Variants in PCDHGB1 observed in about 807,000 individuals in gnomAD.
The protein encoded by PCDHGB1 is protocadherin gamma subfamily B, 1.
PCDHGB1 carries 34 observed loss-of-function variants against 56.6 expected under a neutral mutation model. The ratio of observed to expected loss-of-function variants is 0.60; its 90% CI spans 0.46 to 0.80. The LOEUF (loss-of-function observed/expected upper bound fraction) is 0.80, where lower values mean the gene tolerates loss of function less well. Among genes scored for constraint, PCDHGB1 ranks in the 30% least tolerant of loss-of-function variants. The pLI, the probability that PCDHGB1 is intolerant of heterozygous loss-of-function variation, is 0.00. For synonymous variants in PCDHGB1, 561 were observed against 505.9 expected (o/e 1.11, Z -1.46); for missense variants, 1,278 against 1,204.6 (o/e 1.06, Z -0.90).
intron 1 of PCDHGB1, chr5:141,385,334 C>A: frequency 6.3e-7 from 1 of 1,581,530 alleles, no homozygotes; most frequent in Non-Finnish European, 8.6e-7. Context: ...GTGAGCCCAG[C>A]CCTTCCTTTA....
intron 1 of PCDHGB1, chr5:141,374,743 T>A: frequency 6.2e-7 from 1 of 1,611,970 alleles, no homozygotes; most frequent in Non-Finnish European, 8.5e-7. Context: ...GCGGCGACCC[T>A]GTCCGCTCAA....
intron 1 of PCDHGB1, chr5:141,419,944 C>T (rs1375807568): frequency 6.2e-7 from 1 of 1,614,066 alleles, no homozygotes; most frequent in South Asian, 1.1e-5. Flanking sequence ...TGGTGGTGGC[C>T]TTGGCCTTGA....
intron 1 of PCDHGB1, chr5:141,366,706 G>A (rs202189432): frequency 6.2e-7 from 1 of 1,614,124 alleles, no homozygotes; most frequent in African/African-American, 1.3e-5. Context: ...AGCCTCTTCT[G>A]ATGTCTGATA....
intron 1 of PCDHGB1, among the ~76,000 whole-genome samples, chr5:141,460,951 G>GTATA (rs200454978): frequency 7.9e-5 from 11 of 139,774 alleles, no homozygotes; most frequent in Middle Eastern, 3.7e-3. Context: ...TATGTATTAT[G>GTATA]TATATATATA....
At chr5:141,509,163 C>T (rs561329093) in intron 3 of PCDHGB1, among the ~76,000 whole-genome samples, 1 of 152,204 alleles carries the variant, frequency 6.6e-6, no homozygotes, top group East Asian at 1.9e-4. Context: ...CTCCCGTGTG[C>T]CCTCCTCCTC....
At position 141,490,874 on chromosome 5, in the gene PCDHGB1, A is replaced by T. The variant is rs368927472; in HGVS notation, c.2410-3933A>T. 2 of 1,613,948 alleles carry T rather than the reference A, an allele frequency of 1.2e-6. No homozygotes were observed. Among genetic ancestry groups the T allele is most frequent in the Non-Finnish European group, 1.7e-6 (2 of 1,179,952 alleles). On this transcript the variant is annotated intron_variant, in intron 1 of 3. Transcript: ENST00000523390. The surrounding 1 kb of genome is among the most constrained non-coding windows in gnomAD (Gnocchi z 5.4). The stretch of plus-strand genomic sequence containing the variant: ...CGAGACTCCGGCTCTCCCCCATTGC[A>T]TGCCAACACATCTCTGCATGTGTTT...
Position 141,453,588 on chromosome 5 carries a change from CTG to C in PCDHGB1, c.2410-41215_2410-41214del, listed in dbSNP as rs572244169. ...TTCATTAGTTTGTGGTTTATCCTCA[CTG>C]TGTTTCTTTTTGCAAAACGCAAAAA... On this transcript the variant is annotated intron_variant, in intron 1 of 3. Coordinates refer to ENST00000523390, the MANE Select transcript of PCDHGB1 (RefSeq NM_018922.3). Among the ~76,000 whole-genome samples the C allele has an allele frequency of 5.9e-5, 9 of 152,296 alleles. No individual in the cohort carries two copies. In the South Asian group the frequency reaches 1.5e-3, roughly 25 times the overall value.
At chr5:141,360,583 A>G (rs769168418) in intron 1 of PCDHGB1, 1 of 1,614,004 alleles carries the variant, frequency 6.2e-7, no homozygotes, top group South Asian at 1.1e-5. Context: ...TAAGCCAGGT[A>G]CAACATTTCC....
chr5:141,382,921 G>A, intron 1 of PCDHGB1: 2 of 1,560,324 alleles, frequency 1.3e-6, no homozygotes, highest in South Asian at 1.2e-5. Flanking sequence ...GCCGAGGGGC[G>A]GGGACTACAG....
intron 1 of PCDHGB1, chr5:141,389,984 C>G: frequency 6.2e-7 from 1 of 1,614,070 alleles, no homozygotes; most frequent in Non-Finnish European, 8.5e-7. Flanking sequence ...TCTCAGTGCT[C>G]TTCCTCGTGG....
intron 1 of PCDHGB1, chr5:141,395,911 T>C (rs964928270): frequency 2.6e-5 from 4 of 152,144 alleles, no homozygotes; most frequent in African/African-American, 9.7e-5. Flanking sequence ...CATGGAGACA[T>C]GAAATCTAAA....
chr5:141,463,438 CTTTTTTTT>C (rs71576115), intron 1 of PCDHGB1, among the ~76,000 whole-genome samples: 7 of 103,252 alleles, frequency 6.8e-5, no homozygotes, highest in East Asian at 2.4e-4. Flanking sequence ...TTTCCTTCTC[CTTTTTTTT>C]TTTTTTTTTT....
At chr5:141,376,213 G>A (rs754053100) in intron 1 of PCDHGB1, 3 of 1,614,224 alleles carry the variant, frequency 1.9e-6, no homozygotes, top group South Asian at 1.1e-5. Flanking sequence ...TCGTCATCGT[G>A]CTGCTGGCGC....
chr5:141,365,615 AC>A (rs1215729204), intron 1 of PCDHGB1: 1 of 1,613,178 alleles, frequency 6.2e-7, no homozygotes, highest in Non-Finnish European at 8.5e-7. Context: ...GGACCATGGA[AC>A]CCCGCCCCTC....
chr5:141,361,731 G>A, intron 1 of PCDHGB1: 3 of 1,613,190 alleles, frequency 1.9e-6, no homozygotes, highest in Non-Finnish European at 2.5e-6. Flanking sequence ...AGCTCACACT[G>A]CAGGCCCGCG....
At chr5:141,361,796 A>G (rs1762187371) in intron 1 of PCDHGB1, 3 of 1,613,122 alleles carry the variant, frequency 1.9e-6, no homozygotes, top group Middle Eastern at 3.3e-4. Flanking sequence ...TTAGTGGGCG[A>G]CCTCAATGAC....
Position 141,422,952 on chromosome 5 carries a change from C to T in PCDHGB1, c.2409+70283C>T, listed in dbSNP as rs759618535. 11 of 1,614,254 alleles carry T rather than the reference C, an allele frequency of 6.8e-6. No homozygotes were observed. The East Asian group carries it at 2.0e-4, about 29-fold the overall frequency. On this transcript the variant is annotated intron_variant, in intron 1 of 3. Coordinates refer to ENST00000523390, the MANE Select transcript of PCDHGB1 (RefSeq NM_018922.3). ...CCCTCCCCACAGACGGCTCCACTGG[C>T]GTGGAGCTGGCGCCCCGCTCTGCGG...
chr5:141,374,292 G>A (rs1268827954), intron 1 of PCDHGB1: 4 of 1,613,966 alleles, frequency 2.5e-6, no homozygotes, highest in Non-Finnish European at 2.5e-6. Context: ...GTCTCCAGAG[G>A]TAGGATGCAG....
At chr5:141,484,877 G>T in intron 1 of PCDHGB1, 1 of 338,660 alleles carries the variant, frequency 3.0e-6, no homozygotes, top group Non-Finnish European at 5.4e-6. Context: ...GTGGAGGATA[G>T]GGTGGGCTTT....
Sources: allele counts gnomAD v4.1 joint callset (sites outside exome capture counted in the v4.1 genomes callset), GRCh38; gene constraint gnomAD v4.1.1; non-coding constraint Gnocchi (gnomAD v3.1); transcripts MANE v1.5; gene names NCBI Gene and HGNC (gene_info 2026-07-23, HGNC 2026-07-21).